The following AMN1 variants were observed in gnomAD, a reference collection of about 807,000 sequenced individuals.
AMN1 encodes protein AMN1 homolog.
In AMN1, 20 loss-of-function variants were observed where a neutral mutation model predicts 33.0. The observed-to-expected ratio is 0.61, with a 90% CI of 0.43 to 0.88. The LOEUF is 0.88. AMN1 is among the 40% of genes least tolerant of loss of function. AMN1 has a pLI of 0.00. For synonymous variants in AMN1, 114 were observed against 111.9 expected, an observed-to-expected ratio of 1.02 and a Z score of -0.12; for missense variants, 246 against 307.4, an observed-to-expected ratio of 0.80 and a Z score of 1.49.
intron 6 of AMN1, among the ~76,000 whole-genome samples, chr12:31,676,384 TG>T (rs1192915829): frequency 1.3e-5 from 2 of 151,030 alleles, no homozygotes; most frequent in African/African-American, 4.9e-5. Context: ...CCAAGGCAGG[TG>T]GATCGCTTGA....
intron 3 of AMN1, among the ~76,000 whole-genome samples, chr12:31,699,843 T>C (rs1172844733): frequency 6.6e-6 from 1 of 152,014 alleles, no homozygotes; most frequent in African/African-American, 2.4e-5. Flanking sequence ...TAACTCCAGG[T>C]AGATAGTGTC....
At chr12:31,682,216 A>G (rs183296484) in intron 6 of AMN1, among the ~76,000 whole-genome samples, 6 of 152,290 alleles carry the variant, frequency 3.9e-5, no homozygotes, top group African/African-American at 1.4e-4. Flanking sequence ...TTGGACATAT[A>G]AACACTTTTT....
At position 31,728,917 on chromosome 12, in the gene AMN1, G is replaced by T. The variant is rs569697320; in HGVS notation, c.38+54C>A. 1.6e-5 allele frequency: 25 copies of T among 1,528,700 alleles called. 1 individual carries two copies. Among genetic ancestry groups the T allele is most frequent in the Middle Eastern group, 2.2e-4 (1 of 4,570 alleles). 94.7% of individuals were successfully genotyped at this position (1,528,700 alleles called of 1,614,324 possible). ...AGGAAGAGCAGCGCAGGGCCTGGCC[G>T]TTTGGAGGAGGTGCTGGGGCGGCGC... On this transcript the variant is annotated intron_variant, in intron 1 of 6. Transcript: ENST00000281471.
At position 31,683,527 on chromosome 12, in the gene AMN1, T is replaced by C. The variant is rs1470476659; in HGVS notation, c.703+5480A>G. Among the ~76,000 whole-genome samples, 3 of 152,184 alleles carry C rather than the reference T, an allele frequency of 2.0e-5. No individual in the cohort carries two copies. Among genetic ancestry groups the C allele is most frequent in the Admixed American group, 2.0e-4 (3 of 15,274 alleles). On this transcript the variant is annotated intron_variant, in intron 6 of 6. Coordinates refer to ENST00000281471, the MANE Select transcript of AMN1 (RefSeq NM_001113402.2). This position sits in a 1 kb window ranked among gnomAD's most constrained non-coding sequence, Gnocchi z 4.1. ...CCCATGTGTCGTGAGAGGGACCCGG[T>C]GGGAGGTAATTGAATCATGGGGGCA...
At chr12:31,717,677 T>A (rs1250608015) in intron 1 of AMN1, among the ~76,000 whole-genome samples, 1 of 152,218 alleles carries the variant, frequency 6.6e-6, no homozygotes, top group African/African-American at 2.4e-5. Flanking sequence ...AAACTGGGAT[T>A]TCTTGGTAAC....
chr12:31,722,321 A>G (rs1442789068), intron 1 of AMN1, among the ~76,000 whole-genome samples: 6 of 152,148 alleles, frequency 3.9e-5, no homozygotes, highest in Admixed American at 3.3e-4. Context: ...TCTGACAATG[A>G]TATGTCTTTT....
intron 1 of AMN1, among the ~76,000 whole-genome samples, chr12:31,728,291 G>T (rs1473609578): frequency 6.6e-6 from 1 of 152,086 alleles, no homozygotes; most frequent in East Asian, 1.9e-4. Flanking sequence ...TACAATTTCT[G>T]GTAGGAAATA....
At chr12:31,679,849 G>C (rs1280082757) in intron 6 of AMN1, among the ~76,000 whole-genome samples, 2 of 152,104 alleles carry the variant, frequency 1.3e-5, no homozygotes, top group South Asian at 2.1e-4. Flanking sequence ...TTTAGGACAG[G>C]CTTGGTGGCT....
At chr12:31,724,068 T>C (rs1042518077) in intron 1 of AMN1, among the ~76,000 whole-genome samples, 2 of 152,188 alleles carry the variant, frequency 1.3e-5, no homozygotes, top group African/African-American at 4.8e-5. Context: ...AAAAACATTC[T>C]AAGACTCCCT....
rs576755234 is a variant in AMN1, at chr12:31,671,366, C to T, written c.*938G>A. On this transcript the variant is annotated 3_prime_UTR_variant, in exon 7 of 7. Coordinates refer to ENST00000281471, the MANE Select transcript of AMN1 (RefSeq NM_001113402.2). ...TATACAAGAAAGTTAGCATACTTAC[C>T]CCGTTTTTCACTACATCAGAGGCAA... 3.3e-5 allele frequency: 5 copies of T among 152,024 alleles called. No homozygotes were observed. Among genetic ancestry groups the T allele is most frequent in the Non-Finnish European group, 7.4e-5 (5 of 68,010 alleles). 9.4% of individuals were successfully genotyped at this position (152,024 alleles called of 1,614,324 possible).
chr12:31,695,487 C>CTTTCTTTCT (rs59342673), intron 5 of AMN1, among the ~76,000 whole-genome samples: 3 of 130,692 alleles, frequency 2.3e-5, no homozygotes, highest in African/African-American at 5.7e-5. Flanking sequence ...TTCTTTCTTT[C>CTTTCTTTCT]TTTTTTTTTT....
In AMN1 at chr12:31,695,971, G is replaced by A. The variant is rs554909296; in HGVS notation, c.591+1390C>T. Among the ~76,000 whole-genome samples the A allele has an allele frequency of 4.7e-4, 71 of 152,036 alleles. 1 individual carries two copies. The highest frequency in any genetic ancestry group is 1.4e-3 in the African/African-American group (58 of 41,496). ...AAAAAATGTATTTATGGCAGGGCAC[G>A]GTGGCTCACACCTGCAATCCCAGCA... On this transcript the variant is annotated intron_variant, in intron 5 of 6. Transcript: ENST00000281471.
At chr12:31,681,032 A>G (rs1937986702) in intron 6 of AMN1, among the ~76,000 whole-genome samples, 1 of 152,224 alleles carries the variant, frequency 6.6e-6, no homozygotes, top group African/African-American at 2.4e-5. Context: ...TAGCAAAAAT[A>G]TATCATTATA....
intron 6 of AMN1, among the ~76,000 whole-genome samples, chr12:31,685,267 G>A (rs1463460015): frequency 6.6e-6 from 1 of 151,840 alleles, no homozygotes; most frequent in African/African-American, 2.4e-5. Flanking sequence ...GACCTCAAGT[G>A]GTCTGCCCAC....
At position 31,683,085 on chromosome 12, in the gene AMN1, T is replaced by G. The variant is rs1240846339; in HGVS notation, c.703+5922A>C. 6.6e-6 allele frequency among the ~76,000 whole-genome samples: 1 copy of G among 151,022 alleles called. No homozygotes were observed. The highest frequency in any genetic ancestry group is 1.5e-5 in the Non-Finnish European group (1 of 67,826). ...TCAAGTGATCCTCATGCGTCAGCCA[T>G]CAGAGTAGCTGGGATTACAGGCGTG... On this transcript the variant is annotated intron_variant, in intron 6 of 6. Transcript: ENST00000281471. The surrounding 1 kb of genome is among the most constrained non-coding windows in gnomAD (Gnocchi z 4.1).
intron 2 of AMN1, among the ~76,000 whole-genome samples, chr12:31,707,349 GTACCA>G (rs1939285789): frequency 6.6e-6 from 1 of 152,160 alleles, no homozygotes; most frequent in African/African-American, 2.4e-5. Context: ...AAGGGTACAG[GTACCA>G]TGAAGACAAG....
At chr12:31,702,072 T>C in intron 2 of AMN1, 65 bp from the exon 3 acceptor site, 1 of 1,396,876 alleles carries the variant, frequency 7.2e-7, no homozygotes, top group Non-Finnish European at 9.6e-7. Context: ...TTATTCCATA[T>C]TCAGTGTTTT....
chr12:31,681,627 G>A (rs1200872030), intron 6 of AMN1, among the ~76,000 whole-genome samples: 1 of 152,144 alleles, frequency 6.6e-6, no homozygotes, highest in Non-Finnish European at 1.5e-5. Flanking sequence ...TGATTTATTC[G>A]ATGTTCTGGA....
At chr12:31,722,129 TGACACACACACA>T (rs2139731162) in intron 1 of AMN1, among the ~76,000 whole-genome samples, 1 of 94,220 alleles carries the variant, frequency 1.1e-5, no homozygotes, top group African/African-American at 4.3e-5. Context: ...ATCAGGCCTT[TGACACACACACA>T]CACACACACA....
Sources: gnomAD v4.1 joint callset for allele counts (sites outside exome capture counted in the v4.1 genomes callset) on GRCh38, gnomAD v4.1.1 for gene constraint, Gnocchi (gnomAD v3.1) non-coding constraint, MANE v1.5 for transcripts, NCBI Gene and HGNC (gene_info 2026-07-23, HGNC 2026-07-21) for gene names.